Variants in DPH6 observed in about 807,000 individuals in gnomAD.
DPH6 encodes diphthine--ammonia ligase.
Under a neutral mutation model 38.2 loss-of-function variants are expected in DPH6, and 33 were observed. That is an observed-to-expected ratio of 0.86 (90% CI 0.65 to 1.15). The LOEUF is 1.15. Among genes scored for constraint, DPH6 ranks in the 50% most tolerant of loss-of-function variants. DPH6 has a pLI of 0.00. For missense variants in DPH6, 325 were observed against 320.0 expected (o/e 1.02, Z -0.12); for synonymous variants, 108 against 103.0 (o/e 1.05, Z -0.30).
At chr15:35,534,732 AAATC>A (rs1362092255) in intron 3 of DPH6, among the ~76,000 whole-genome samples, 2 of 152,202 alleles carry the variant, frequency 1.3e-5, no homozygotes, top group Non-Finnish European at 2.9e-5. Context: ...GGAACAGAGA[AAATC>A]AAAAGGAACA....
intron 3 of DPH6, among the ~76,000 whole-genome samples, chr15:35,303,078 G>A (rs1007907245): frequency 1.3e-5 from 2 of 152,050 alleles, no homozygotes; most frequent in African/African-American, 4.8e-5. Flanking sequence ...CTCTTACACA[G>A]GTGACAATGT....
chr15:35,302,183 A>G (rs1453669838), intron 3 of DPH6, among the ~76,000 whole-genome samples: 1 of 152,198 alleles, frequency 6.6e-6, no homozygotes, highest in East Asian at 1.9e-4. Context: ...GTTTCCACTA[A>G]TGTAAATATA....
intron 3 of DPH6, among the ~76,000 whole-genome samples, chr15:35,494,597 A>T (rs942974350): frequency 6.6e-6 from 1 of 152,092 alleles, no homozygotes; most frequent in Non-Finnish European, 1.5e-5. Context: ...GTTTTCTCTA[A>T]ATCATTCCTT....
chr15:35,307,434 G>A lies in DPH6; in HGVS notation n.200+66087C>T, dbSNP rs545850111. 6.0e-5 allele frequency among the ~76,000 whole-genome samples: 9 copies of A among 150,592 alleles called. No individual in the cohort carries two copies. In the East Asian group the frequency reaches 1.7e-3, roughly 29 times the overall value. On this transcript the variant is annotated intron_variant and non_coding_transcript_variant, in intron 3 of 3. Transcript: ENST00000560386. ...CTTTATAGAAATGCTCCAGATTAAAGGTGACTGAAGAGACTAAATGTAATA... is the reference window on the plus strand; with the variant it reads ...CTTTATAGAAATGCTCCAGATTAAAAGTGACTGAAGAGACTAAATGTAATA...
chr15:35,328,812 C>T (rs2052305486), downstream of DPH6, among the ~76,000 whole-genome samples: 1 of 152,076 alleles, frequency 6.6e-6, no homozygotes, highest in African/African-American at 2.4e-5. Context: ...GGGCAGTTTA[C>T]AAAAGAAAGA....
chr15:35,237,431 G>A, intron 3 of DPH6: 1 of 1,605,804 alleles, frequency 6.2e-7, no homozygotes, highest in Non-Finnish European at 8.5e-7. Flanking sequence ...CAAACTCGAA[G>A]GCCTCACAGA....
At chr15:35,349,708 T>A (rs1212258723) in intron 3 of DPH6, among the ~76,000 whole-genome samples, 3 of 152,238 alleles carry the variant, frequency 2.0e-5, no homozygotes, top group African/African-American at 7.2e-5. Context: ...GTACTGGAAT[T>A]ACAGGCATGA....
chr15:35,281,300 A>G (rs1002415216), intron 3 of DPH6, among the ~76,000 whole-genome samples: 2 of 152,212 alleles, frequency 1.3e-5, no homozygotes, highest in African/African-American at 4.8e-5. Context: ...AACTATAAAC[A>G]TAATGAAACC....
intron 3 of DPH6, among the ~76,000 whole-genome samples, chr15:35,529,518 G>A (rs558793307): frequency 1.6e-4 from 25 of 152,202 alleles, no homozygotes; most frequent in Non-Finnish European, 2.8e-4. Flanking sequence ...AATGTAACTT[G>A]CCCATAACGC....
intron 3 of DPH6, among the ~76,000 whole-genome samples, chr15:35,341,178 T>C (rs528728507): frequency 6.6e-6 from 1 of 152,346 alleles, no homozygotes; most frequent in South Asian, 2.1e-4. Flanking sequence ...CTATTGATAC[T>C]TGTGATTGCA....
At chr15:35,342,457 T>C (rs8039837) in intron 3 of DPH6, among the ~76,000 whole-genome samples, 55,069 of 152,076 alleles carry the variant, frequency 0.36, 11,823 homozygotes, top group African/African-American at 0.61. Context: ...GGGCTGTTGT[T>C]CCACCCTGCT....
intron 3 of DPH6, among the ~76,000 whole-genome samples, chr15:35,507,635 A>T (rs745851791): frequency 8.5e-5 from 13 of 152,266 alleles, no homozygotes; most frequent in Admixed American, 2.6e-4. Flanking sequence ...ATACAGTACA[A>T]TTCTGAACTG....
the DPH6 span, among the ~76,000 whole-genome samples, chr15:35,149,993 G>A: frequency 1.1e-4 from 16 of 152,154 alleles, no homozygotes; most frequent in African/African-American, 3.9e-4. Context: ...CGATCCCGAT[G>A]CTTGTTCTGC....
chr15:35,479,527 G>A (rs2054301816), intron 3 of DPH6, among the ~76,000 whole-genome samples: 1 of 152,046 alleles, frequency 6.6e-6, no homozygotes, highest in African/African-American at 2.4e-5. Flanking sequence ...TTAAAGTTAG[G>A]TTAAGACTCC....
intron 3 of DPH6, among the ~76,000 whole-genome samples, chr15:35,292,633 C>T (rs184560663): frequency 6.6e-6 from 1 of 152,014 alleles, no homozygotes; most frequent in Admixed American, 6.6e-5. Flanking sequence ...ATGATTTTAC[C>T]CACTGGTAGG....
intron 3 of DPH6, chr15:35,237,303 A>G: frequency 1.9e-6 from 3 of 1,567,116 alleles, no homozygotes; most frequent in Non-Finnish European, 2.6e-6. Flanking sequence ...GCGGCGCGGG[A>G]GCCTCTGCAG....
At chr15:35,487,753 C>A (rs1265901669) in intron 3 of DPH6, among the ~76,000 whole-genome samples, 3 of 152,234 alleles carry the variant, frequency 2.0e-5, no homozygotes, top group Admixed American at 2.0e-4. Flanking sequence ...ATTTCTGCAG[C>A]TGGCAGCTTG....
intron 3 of DPH6, among the ~76,000 whole-genome samples, chr15:35,537,914 C>T (rs1385315016): frequency 1.3e-5 from 2 of 151,980 alleles, no homozygotes; most frequent in Non-Finnish European, 2.9e-5. Flanking sequence ...CCATTCTATC[C>T]CCAGTGTCTA....
intron 3 of DPH6, among the ~76,000 whole-genome samples, chr15:35,495,074 A>G (rs2054531488): frequency 6.6e-6 from 1 of 152,140 alleles, no homozygotes; most frequent in Non-Finnish European, 1.5e-5. Context: ...CCTATATGTC[A>G]CCAATATAAT....
Sources: allele counts gnomAD v4.1 joint callset (sites outside exome capture counted in the v4.1 genomes callset), GRCh38; gene constraint gnomAD v4.1.1; transcripts MANE v1.5; gene names NCBI Gene and HGNC (gene_info 2026-07-23, HGNC 2026-07-21).